Variants in CCDC198 observed in about 807,000 individuals in gnomAD.
The protein encoded by CCDC198 is coiled-coil domain containing 198.
A neutral mutation model predicts 35.6 loss-of-function variants in CCDC198; 18 were observed. The observed-to-expected ratio is 0.51, with a 90% confidence interval of 0.35 to 0.75. The LOEUF (loss-of-function observed/expected upper bound fraction) is 0.75, where lower values mean the gene tolerates loss of function less well. Among genes scored for constraint, CCDC198 ranks in the 30% least tolerant of loss-of-function variants. The pLI is 0.01. For missense variants in CCDC198, 365 were observed against 343.7 expected, an observed-to-expected ratio of 1.06 and a Z score of -0.49; for synonymous variants, 119 against 113.4, an observed-to-expected ratio of 1.05 and a Z score of -0.31.
At chr14:57,476,655 A>G (rs906392058) in intron 5 of CCDC198, among the ~76,000 whole-genome samples, 2 of 152,362 alleles carry the variant, frequency 1.3e-5, no homozygotes, top group Admixed American at 1.3e-4. Flanking sequence ...GAAAGCAGCA[A>G]CTGACTTTTA....
Position 57,471,416 on chromosome 14 carries a change from G to C in CCDC198, c.830C>G (p.Ala277Gly), listed in dbSNP as rs1378017201. 15 of 1,613,988 alleles carry C rather than the reference G, an allele frequency of 9.3e-6. No individual in the cohort carries two copies. The highest frequency in any genetic ancestry group is 1.3e-5 in the Non-Finnish European group (15 of 1,179,968). ...TCTCTCTGTCCTGGTCCTCACCAGT[G>C]CTCGTGGCTTCTTCTCATCTTTCCC... Reference protein sequence around the residue: ...EQGKDEKKPRALVRTRTERIP... With the variant: ...EQGKDEKKPRGLVRTRTERIP... The change falls in exon 6 of 6, where the codon GCA (alanine) becomes GGA (glycine). Residue 277 changes from alanine (A) to glycine (G), a missense_variant. Transcript: ENST00000216445.
chr14:57,477,591 T>C (rs951794233), intron 5 of CCDC198, among the ~76,000 whole-genome samples: 3 of 152,238 alleles, frequency 2.0e-5, no homozygotes, highest in Non-Finnish European at 4.4e-5. Context: ...CATCTAAGTT[T>C]GGTTAATGTT....
At chr14:57,479,019 G>A (rs1159254040) in intron 5 of CCDC198, 3 of 1,289,288 alleles carry the variant, frequency 2.3e-6, no homozygotes, top group Middle Eastern at 2.1e-4. Context: ...TCAACTGTGG[G>A]TTTGCCCTGG....
chr14:57,472,792 G>GTAA (rs1163359590), intron 5 of CCDC198, among the ~76,000 whole-genome samples: 5 of 152,252 alleles, frequency 3.3e-5, no homozygotes, highest in African/African-American at 1.2e-4. Flanking sequence ...ACTCCAGAAA[G>GTAA]CAACAGGAGC....
intron 5 of CCDC198, among the ~76,000 whole-genome samples, chr14:57,474,437 T>C (rs764522169): frequency 4.6e-5 from 7 of 152,178 alleles, no homozygotes; most frequent in Non-Finnish European, 1.0e-4. Context: ...AGAAGGGGAA[T>C]GTTTGTTTGT....
rs1027258421 is a variant in CCDC198 at position 57,470,239 on chromosome 14, G to A, written c.*1116C>T. ...GTTAGCTCACTAGAAAGTGACCTAA[G>A]TGAGCTTAGTGTTTAATGCAGCATT... On this transcript the variant is annotated 3_prime_UTR_variant, in exon 6 of 6. Coordinates refer to ENST00000216445, the MANE Select transcript of CCDC198 (RefSeq NM_018168.4). The A allele has an allele frequency of 1.3e-5, 2 of 152,300 alleles. No individual in the cohort carries two copies. Among genetic ancestry groups the A allele is most frequent in the Non-Finnish European group, 1.5e-5 (1 of 68,022 alleles). 9.4% of individuals were successfully genotyped at this position (152,300 alleles called of 1,614,324 possible).
rs1212608075 is a variant in CCDC198 at position 57,480,637 on chromosome 14, G to A, written c.613C>T (p.Leu205Phe). The change falls in exon 5 of 6, where the codon CTT becomes TTT. Residue 205 changes from leucine to phenylalanine, a missense_variant. Physicochemically the swap from Leu to Phe is conservative, Grantham distance 22. Transcript: ENST00000216445. ...ATTTCATCAGGCAACATGGTTAGAA[G>A]GTCATGGTCATCATTCCTTGGGGTG... ...QSTPRNDDHD[L>F]LTMLPDEILN... The A allele has an allele frequency of 6.2e-7, 1 of 1,614,136 alleles. No homozygotes were observed. Among genetic ancestry groups the A allele is most frequent in the Non-Finnish European group, 8.5e-7 (1 of 1,180,014 alleles).
intron 2 of CCDC198, among the ~76,000 whole-genome samples, chr14:57,483,999 T>C (rs945416000): frequency 2.6e-5 from 4 of 152,198 alleles, no homozygotes; most frequent in African/African-American, 9.7e-5. Flanking sequence ...GCTTGTGTGA[T>C]TATTCAAGTG....
Position 57,471,453 on chromosome 14 carries a change from AG to A in CCDC198, c.792del (p.Ser265GlnfsTer15). Reference protein sequence around the residue: ...GQLLWDSSSSDSDEQGKDEKK... With the variant: ...GQLLWDSSSSXSDEQGKDEKK... The stretch of plus-strand genomic sequence containing the variant: ...TTCTCATCTTTCCCCTGCTCATCTG[AG>A]TCAGAGCTGGAACTGTCCCAGAGAA... On this transcript the variant is annotated frameshift_variant, in exon 6 of 6. Coordinates refer to ENST00000216445, the MANE Select transcript of CCDC198 (RefSeq NM_018168.4). LOFTEE classifies it high-confidence loss of function. The A allele has an allele frequency of 6.2e-7, 1 of 1,613,914 alleles. No homozygotes were observed. Among genetic ancestry groups the A allele is most frequent in the Non-Finnish European group, 8.5e-7 (1 of 1,179,946 alleles).
intron 2 of CCDC198, among the ~76,000 whole-genome samples, chr14:57,490,215 G>C (rs900082212): frequency 1.3e-5 from 2 of 152,120 alleles, no homozygotes; most frequent in African/African-American, 4.8e-5. Flanking sequence ...GCTCACAAGA[G>C]AGCCCCAAAC....
chr14:57,472,948 T>C (rs927204378), intron 5 of CCDC198, among the ~76,000 whole-genome samples: 1 of 152,230 alleles, frequency 6.6e-6, no homozygotes, highest in Non-Finnish European at 1.5e-5. Context: ...TTAATGATGA[T>C]TGTTTATTAA....
chr14:57,489,446 G>T (rs983002315), intron 2 of CCDC198, among the ~76,000 whole-genome samples: 12 of 152,044 alleles, frequency 7.9e-5, no homozygotes, highest in African/African-American at 2.7e-4. Context: ...GTGATGGGAT[G>T]ATCTGTGCAG....
At chr14:57,472,058 TATA>T (rs2066839321) in intron 5 of CCDC198, among the ~76,000 whole-genome samples, 1 of 152,146 alleles carries the variant, frequency 6.6e-6, no homozygotes, top group Non-Finnish European at 1.5e-5. Flanking sequence ...TTAACATTGA[TATA>T]ATACTGTTTT....
chr14:57,483,370 C>A, intron 2 of CCDC198: 1 of 561,858 alleles, frequency 1.8e-6, no homozygotes, highest in Non-Finnish European at 3.1e-6. Flanking sequence ...TCGACAGTGC[C>A]TTATTGATCT....
chr14:57,485,209 T>C (rs528840115), intron 2 of CCDC198, among the ~76,000 whole-genome samples: 15 of 152,116 alleles, frequency 9.9e-5, no homozygotes, highest in Non-Finnish European at 1.9e-4. Flanking sequence ...GCTGGAGATT[T>C]TGGGGAATAA....
At position 57,471,495 on chromosome 14, in the gene CCDC198, C is replaced by T; in HGVS notation, c.751G>A (p.Glu251Lys). Residue 251 changes from glutamate (E) to lysine (K), a missense_variant, in exon 6 of 6, where the codon GAG (glutamate) becomes AAG (lysine). Coordinates refer to ENST00000216445, the MANE Select transcript of CCDC198 (RefSeq NM_018168.4). ...TCCCAGAGAAGCTGTCCCTGGGCCT[C>T]TTGTTCATGAAGCCATGTTTCCATT... ...GKMETWLHEQ[E>K]AQGQLLWDSS... 6.2e-7 allele frequency: 1 copy of T among 1,613,900 alleles called. No individual in the cohort carries two copies. Among genetic ancestry groups the T allele is most frequent in the East Asian group, 2.2e-5 (1 of 44,856 alleles).
At chr14:57,483,417 T>G in intron 2 of CCDC198, 1 of 406,238 alleles carries the variant, frequency 2.5e-6, no homozygotes, top group Non-Finnish European at 4.5e-6. Context: ...TAAGATACTC[T>G]TCTGTCTGCA....
rs777620715 is a variant in CCDC198 at position 57,493,634 on chromosome 14, C to G, written c.82G>C (p.Ala28Pro). 1 of 1,613,918 alleles carries G rather than the reference C, an allele frequency of 6.2e-7. No individual in the cohort carries two copies. Among genetic ancestry groups the G allele is most frequent in the Admixed American group, 1.7e-5 (1 of 59,964 alleles). The stretch of plus-strand genomic sequence containing the variant: ...TTGAATGCAAAGTCCACACGGCCAG[C>G]CGAGGGAGTCTCTACCTCTTTGTTT... ...LQNKEVETPS[A>P]GRVDFAFNQN... The change falls in exon 1 of 6, where the codon GCT becomes CCT. Residue 28 changes from alanine (A) to proline (P), a missense_variant. Coordinates refer to ENST00000216445, the MANE Select transcript of CCDC198 (RefSeq NM_018168.4).
At chr14:57,486,421 T>C (rs1394413307) in intron 2 of CCDC198, among the ~76,000 whole-genome samples, 3 of 152,084 alleles carry the variant, frequency 2.0e-5, no homozygotes, top group African/African-American at 7.2e-5. Flanking sequence ...CTAAAGCTCT[T>C]TTCTGCACTA....
Sources: gnomAD v4.1 joint callset for allele counts (sites outside exome capture counted in the v4.1 genomes callset) on GRCh38, gnomAD v4.1.1 for gene constraint, MANE v1.5 for transcripts, NCBI Gene and HGNC (gene_info 2026-07-23, HGNC 2026-07-21) for gene names.